The following ANKRD17 variants were observed in gnomAD, a reference collection of about 807,000 sequenced individuals.
The protein encoded by ANKRD17 is ankyrin repeat domain-containing protein 17.
A neutral mutation model predicts 229.7 loss-of-function variants in ANKRD17; 19 were observed. The observed-to-expected ratio is 0.08, with a 90% CI of 0.06 to 0.12. The LOEUF (loss-of-function observed/expected upper bound fraction) is 0.12. ANKRD17 is among the 10% of genes least tolerant of loss of function. The pLI is 1.00. For synonymous variants in ANKRD17, 1,112 were observed against 1,146.1 expected (o/e 0.97, Z 0.60); for missense variants, 2,176 against 3,176.8 (o/e 0.68, Z 7.57).
At chr4:73,176,513 A>G (rs1734757374) in intron 2 of ANKRD17, among the ~76,000 whole-genome samples, 1 of 152,118 alleles carries the variant, frequency 6.6e-6, no homozygotes, top group Non-Finnish European at 1.5e-5. Context: ...TGTTAATTAG[A>G]GCACTATTCA....
chr4:73,199,896 GC>G (rs1229133332), intron 1 of ANKRD17, among the ~76,000 whole-genome samples: 5 of 152,106 alleles, frequency 3.3e-5, no homozygotes, highest in Non-Finnish European at 7.4e-5. Flanking sequence ...GACATTAAAT[GC>G]TAAAAGTGCT....
intron 16 of ANKRD17, 33 bp downstream of exon 16, chr4:73,135,084 G>GA (rs763141747): frequency 6.3e-7 from 1 of 1,583,546 alleles, no homozygotes; most frequent in East Asian, 2.3e-5. Flanking sequence ...TAATTCCAAT[G>GA]AAAAAACCAT....
intron 16 of ANKRD17, among the ~76,000 whole-genome samples, chr4:73,127,477 A>T (rs1727627277): frequency 6.6e-6 from 1 of 152,156 alleles, no homozygotes; most frequent in Non-Finnish European, 1.5e-5. Context: ...CATATTTTTC[A>T]ACTGAACAGT....
At chr4:73,142,505 A>G in intron 12 of ANKRD17, 120 bp from the exon 13 acceptor site, 1 of 1,575,890 alleles carries the variant, frequency 6.3e-7, no homozygotes, top group East Asian at 2.2e-5. Context: ...TTTGGTAAAG[A>G]ACGCTTCAAG....
At chr4:73,184,491 T>C (rs1357549682) in intron 1 of ANKRD17, among the ~76,000 whole-genome samples, 4 of 132,196 alleles carry the variant, frequency 3.0e-5, no homozygotes, top group African/African-American at 1.2e-4. Context: ...ATAGCGCCAT[T>C]GCACCCAGCC....
At chr4:73,241,680 A>C (rs1272156417) in intron 1 of ANKRD17, among the ~76,000 whole-genome samples, 1 of 152,198 alleles carries the variant, frequency 6.6e-6, no homozygotes, top group African/African-American at 2.4e-5. Flanking sequence ...GAATCTGTAA[A>C]ATGAGTATCT....
intron 16 of ANKRD17, among the ~76,000 whole-genome samples, chr4:73,133,894 G>T (rs559470181): frequency 6.6e-6 from 1 of 152,134 alleles, no homozygotes; most frequent in African/African-American, 2.4e-5. Flanking sequence ...CAGCCCTGCC[G>T]CTTCTTAGCC....
chr4:73,091,403 G>C lies in ANKRD17; in HGVS notation c.6225C>G (p.Ser2075=), dbSNP rs774856493. ...SASPNKVASS[S]EQEAGSPPVV... is the part of the protein sequence containing the mutation. ...CTGGTGGACTACCTGCTTCCTGTTC[G>C]GAGGAAGATGCCACTTTATTTGGAG... is the stretch of plus-strand genomic sequence containing the variant. Residue 2075 remains serine, a synonymous_variant, in exon 29 of 34, where the codon TCC becomes TCG. Coordinates refer to ENST00000358602, the MANE Select transcript of ANKRD17 (RefSeq NM_032217.5). The C allele has an allele frequency of 1.2e-6, 2 of 1,613,980 alleles. No homozygotes were observed. The highest frequency in any genetic ancestry group is 2.7e-5 in the African/African-American group (2 of 74,888).
chr4:73,221,330 TA>T (rs1741823252), intron 1 of ANKRD17, among the ~76,000 whole-genome samples: 1 of 151,974 alleles, frequency 6.6e-6, no homozygotes, highest in South Asian at 2.1e-4. Flanking sequence ...ATTGAGATAA[TA>T]AAAAGCCAGT....
chr4:73,235,757 T>C (rs916388056), intron 1 of ANKRD17, among the ~76,000 whole-genome samples: 2 of 152,178 alleles, frequency 1.3e-5, no homozygotes, highest in African/African-American at 4.8e-5. Flanking sequence ...AAAAGGCAGA[T>C]ATAAAAACCA....
At chr4:73,230,397 A>T (rs1742931391) in intron 1 of ANKRD17, among the ~76,000 whole-genome samples, 1 of 152,262 alleles carries the variant, frequency 6.6e-6, no homozygotes, top group Non-Finnish European at 1.5e-5. Context: ...TTGTAAGATC[A>T]TCATTAGCAT....
At chr4:73,133,420 C>T (rs1358216697) in intron 16 of ANKRD17, among the ~76,000 whole-genome samples, 6 of 114,574 alleles carry the variant, frequency 5.2e-5, no homozygotes, top group East Asian at 5.5e-4. Context: ...GACAGAGTTT[C>T]GCTCTTGTTG....
intron 14 of ANKRD17, among the ~76,000 whole-genome samples, chr4:73,140,799 A>C (rs1342567624): frequency 1.3e-5 from 2 of 152,190 alleles, no homozygotes; most frequent in Non-Finnish European, 2.9e-5. Flanking sequence ...TCTGAGTAAA[A>C]TATATGTCTT....
At chr4:73,214,735 C>T (rs1416410209) in intron 1 of ANKRD17, among the ~76,000 whole-genome samples, 6 of 151,090 alleles carry the variant, frequency 4.0e-5, no homozygotes, top group Middle Eastern at 3.4e-3. Context: ...CAGGTGCAGT[C>T]GCTCACGCCT....
intron 1 of ANKRD17, among the ~76,000 whole-genome samples, chr4:73,179,518 A>ATATATATTT (rs1192164276): frequency 1.7e-4 from 7 of 40,804 alleles, no homozygotes; most frequent in Admixed American, 3.6e-4. Context: ...ATATATATAT[A>ATATATATTT]TTTTTTTTTT....
intron 1 of ANKRD17, among the ~76,000 whole-genome samples, chr4:73,196,498 C>T (rs1560703094): frequency 6.6e-6 from 1 of 152,102 alleles, no homozygotes; most frequent in East Asian, 1.9e-4. Flanking sequence ...CAAATATGTA[C>T]CATATATACA....
At chr4:73,114,536 T>C (rs962887977) in intron 23 of ANKRD17, among the ~76,000 whole-genome samples, 2 of 152,132 alleles carry the variant, frequency 1.3e-5, no homozygotes, top group Non-Finnish European at 2.9e-5. Context: ...CATAGTATAC[T>C]GTATCCTTTA....
Position 73,250,176 on chromosome 4 carries a change from A to AT in ANKRD17, c.393+8099dup, listed in dbSNP as rs548068636. Among the ~76,000 whole-genome samples, 499 of 152,038 alleles carry AT rather than the reference A, an allele frequency of 3.3e-3. 2 individuals are homozygous for AT. Among genetic ancestry groups the AT allele is most frequent in the Admixed American group, 1.0e-2 (152 of 15,268 alleles). On this transcript the variant is annotated intron_variant, in intron 1 of 33. Transcript: ENST00000358602. Reference sequence around the variant, plus strand: ...ATTTCAGATCATTTACTCAAAACACATTTTTTTTACCCTTGACGCATAAAA... The same window carrying AT: ...ATTTCAGATCATTTACTCAAAACACATTTTTTTTTACCCTTGACGCATAAAA...
rs746084804 is a variant in ANKRD17, at chr4:73,258,294, CTCGTCG to C, written c.369_374del (p.Asp123_Asp124del). On this transcript the variant is annotated inframe_deletion, in exon 1 of 34. Transcript: ENST00000358602. ...CCCTTGCCTCAGAAACCTCCTCTTC[CTCGTCG>C]TCGTCGTCCTCTTCTTCCTCGCTGT... The C allele has an allele frequency of 2.4e-5, 38 of 1,613,722 alleles. No homozygotes were observed. The East Asian group carries it at 6.7e-4, about 28-fold the overall frequency.
Sources: gnomAD v4.1 joint callset for allele counts (sites outside exome capture counted in the v4.1 genomes callset) on GRCh38, gnomAD v4.1.1 for gene constraint, MANE v1.5 for transcripts, NCBI Gene and HGNC (gene_info 2026-07-23, HGNC 2026-07-21) for gene names.